ITGA9: variants seen among roughly 807,000 people sequenced by gnomAD.
ITGA9 encodes integrin alpha-9.
Under a neutral mutation model 127.8 loss-of-function variants are expected in ITGA9, and 56 were observed. That is an observed-to-expected ratio of 0.44 (90% CI 0.35 to 0.55). The LOEUF (loss-of-function observed/expected upper bound fraction) is 0.55, where lower values mean the gene tolerates loss of function less well. ITGA9 is among the 20% of genes least tolerant of loss of function. The pLI is 0.00. For missense variants in ITGA9, 1,196 were observed against 1,347.1 expected (o/e 0.89, Z 1.76); for synonymous variants, 508 against 514.5 (o/e 0.99, Z 0.17).
rs1700452825 is a variant in ITGA9, at chr3:37,653,973, A to T, written c.1916+183A>T. On this transcript the variant is annotated intron_variant, in intron 17 of 27. Transcript: ENST00000264741. ...TAATTATAACAAAAGCTTTGTTGGG[A>T]AGATTGTTTAGGTTTTTTTGTGTGT... Among the ~76,000 whole-genome samples the T allele has an allele frequency of 2.0e-5, 3 of 152,088 alleles. No homozygotes were observed. In the South Asian group the frequency reaches 6.2e-4, roughly 32 times the overall value.
chr3:37,558,473 T>A (rs1699452592), intron 15 of ITGA9, among the ~76,000 whole-genome samples: 1 of 152,334 alleles, frequency 6.6e-6, no homozygotes, highest in South Asian at 2.1e-4. Flanking sequence ...TGCTTCTCTA[T>A]TTTCAATTCA....
At chr3:37,700,870 A>T (rs557554581) in intron 18 of ITGA9, among the ~76,000 whole-genome samples, 2 of 152,336 alleles carry the variant, frequency 1.3e-5, no homozygotes, top group African/African-American at 4.8e-5. Context: ...CTAGTAAACA[A>T]TGTAGGGGTT....
intron 15 of ITGA9, among the ~76,000 whole-genome samples, chr3:37,604,292 C>T (rs137894766): frequency 1.3e-5 from 2 of 152,318 alleles, no homozygotes; most frequent in East Asian, 1.9e-4. Context: ...AGTCATGAGT[C>T]GAATCTCCCA....
chr3:37,675,742 A>C (rs865905343), intron 17 of ITGA9, among the ~76,000 whole-genome samples: 13 of 126,162 alleles, frequency 1.0e-4, no homozygotes, highest in Non-Finnish European at 9.8e-5. Context: ...TTTAAAAACT[A>C]CTTTTTTTTT....
intron 18 of ITGA9, among the ~76,000 whole-genome samples, chr3:37,721,859 T>G (rs1701194085): frequency 6.6e-6 from 1 of 152,192 alleles, no homozygotes; most frequent in Admixed American, 6.6e-5. Context: ...GGAAGAAACC[T>G]TTTCTGCTCA....
At chr3:37,711,864 A>G (rs1048621531) in intron 18 of ITGA9, among the ~76,000 whole-genome samples, 1 of 152,236 alleles carries the variant, frequency 6.6e-6, no homozygotes, top group African/African-American at 2.4e-5. Flanking sequence ...TTGGCCCTCC[A>G]GAGTCCAGCA....
intron 2 of ITGA9, among the ~76,000 whole-genome samples, chr3:37,472,473 A>G (rs1698443091): frequency 6.6e-6 from 1 of 152,150 alleles, no homozygotes; most frequent in Admixed American, 6.5e-5. Context: ...ATCTCTGCTC[A>G]CTGCAACCTC....
chr3:37,708,146 C>T (rs1440474636), intron 18 of ITGA9, among the ~76,000 whole-genome samples: 2 of 152,188 alleles, frequency 1.3e-5, no homozygotes, highest in South Asian at 2.1e-4. Context: ...GCCAACCTTA[C>T]TCATGTGTCT....
intron 16 of ITGA9, among the ~76,000 whole-genome samples, chr3:37,641,061 C>G (rs150524485): frequency 1.3e-5 from 2 of 152,114 alleles, no homozygotes; most frequent in Non-Finnish European, 2.9e-5. Context: ...AGGGGGGTCC[C>G]GTCTCTGCAG....
intron 17 of ITGA9, among the ~76,000 whole-genome samples, chr3:37,681,393 A>G (rs954212415): frequency 6.6e-6 from 1 of 152,140 alleles, no homozygotes; most frequent in Non-Finnish European, 1.5e-5. Context: ...CAAAATTTGT[A>G]GCCCTGGGTG....
At chr3:37,562,149 G>A (rs985689936) in intron 15 of ITGA9, among the ~76,000 whole-genome samples, 4 of 152,114 alleles carry the variant, frequency 2.6e-5, no homozygotes, top group Admixed American at 6.5e-5. Flanking sequence ...TCTGGTTGTG[G>A]GCAGACTCTG....
chr3:37,505,165 G>A (rs1014789048), intron 6 of ITGA9, among the ~76,000 whole-genome samples: 3 of 152,168 alleles, frequency 2.0e-5, no homozygotes, highest in Non-Finnish European at 4.4e-5. Flanking sequence ...AACAGCAGGG[G>A]CTTTAGAGGC....
chr3:37,768,159 A>G (rs1696801078), intron 23 of ITGA9, among the ~76,000 whole-genome samples: 1 of 152,236 alleles, frequency 6.6e-6, no homozygotes, highest in Non-Finnish European at 1.5e-5. Flanking sequence ...GAAATACTCA[A>G]TAGTAAATCA....
chr3:37,768,262 A>G (rs1429835789), intron 23 of ITGA9, among the ~76,000 whole-genome samples: 1 of 152,200 alleles, frequency 6.6e-6, no homozygotes, highest in Non-Finnish European at 1.5e-5. Context: ...CTAGATGGAT[A>G]ATATGAAGCT....
intron 23 of ITGA9, among the ~76,000 whole-genome samples, chr3:37,767,477 G>C (rs569430581): frequency 1.3e-5 from 2 of 152,322 alleles, no homozygotes; most frequent in Admixed American, 1.3e-4. Context: ...TCCTTTCTGT[G>C]CTTAAGTGAT....
intron 3 of ITGA9, among the ~76,000 whole-genome samples, chr3:37,476,579 G>A (rs1450781479): frequency 6.6e-6 from 1 of 152,014 alleles, no homozygotes; most frequent in Admixed American, 6.5e-5. Flanking sequence ...ATGGCATTTT[G>A]CACATGGGCA....
At chr3:37,644,337 A>G (rs1277019628) in intron 16 of ITGA9, among the ~76,000 whole-genome samples, 1 of 152,120 alleles carries the variant, frequency 6.6e-6, no homozygotes. Flanking sequence ...CAACTCAGAC[A>G]CAGAAAGACA....
At chr3:37,616,761 G>T (rs910965139) in intron 15 of ITGA9, among the ~76,000 whole-genome samples, 4 of 152,118 alleles carry the variant, frequency 2.6e-5, no homozygotes, top group Admixed American at 6.5e-5. Flanking sequence ...TTTAAAGTCT[G>T]TTTTATCAGA....
At chr3:37,679,411 C>T (rs1284554665) in intron 17 of ITGA9, among the ~76,000 whole-genome samples, 1 of 152,198 alleles carries the variant, frequency 6.6e-6, no homozygotes, top group Non-Finnish European at 1.5e-5. Context: ...CTTGCCAAAG[C>T]CCTTCCCGAC....
Sources: allele counts gnomAD v4.1 joint callset (sites outside exome capture counted in the v4.1 genomes callset), GRCh38; gene constraint gnomAD v4.1.1; transcripts MANE v1.5; gene names NCBI Gene and HGNC (gene_info 2026-07-23, HGNC 2026-07-21).